RRM2B: variants seen among roughly 807,000 people sequenced by gnomAD.
RRM2B encodes ribonucleotide reductase regulatory TP53 inducible subunit M2B, also known as ribonucleoside-diphosphate reductase subunit M2 B.
RRM2B carries 20 observed loss-of-function variants against 45.9 expected under a neutral mutation model. The ratio of observed to expected loss-of-function variants is 0.44; its 90% CI spans 0.31 to 0.63. RRM2B has a LOEUF of 0.63. RRM2B is among the 30% of genes least tolerant of loss of function. The probability of loss-of-function intolerance (pLI) is 0.09; values close to 1 mark genes in which losing one functional copy is unlikely to be tolerated. For synonymous variants in RRM2B, 124 were observed against 132.3 expected (o/e 0.94, Z 0.43); for missense variants, 320 against 414.7 (o/e 0.77, Z 1.98).
At chr8:102,223,568 G>A (rs998936035) in intron 5 of RRM2B, among the ~76,000 whole-genome samples, 3 of 151,926 alleles carry the variant, frequency 2.0e-5, no homozygotes, top group African/African-American at 7.3e-5. Context: ...GGTGGTAGGT[G>A]CCTGTAATCC....
intron 5 of RRM2B, among the ~76,000 whole-genome samples, chr8:102,222,378 T>G (rs1414713292): frequency 6.6e-6 from 1 of 152,154 alleles, no homozygotes; most frequent in Non-Finnish European, 1.5e-5. Flanking sequence ...GCCTGGCTGC[T>G]TTTCTCATTC....
At position 102,207,139 on chromosome 8, in the gene RRM2B, G is replaced by C. The variant is rs1810558140; in HGVS notation, c.*994C>G. The C allele has an allele frequency of 2.6e-5, 4 of 152,130 alleles. No individual in the cohort carries two copies. Among genetic ancestry groups the C allele is most frequent in the Admixed American group, 2.6e-4 (4 of 15,266 alleles). The allele number at this position is 152,130 out of a possible 1,614,324, so 9.4% of individuals were successfully genotyped here. On this transcript the variant is annotated 3_prime_UTR_variant, in exon 9 of 9. Transcript: ENST00000251810. ...GTGTTAAGTATGTTGGGAATATGCA[G>C]GGCGAGATAAATTTATGTACCACTG...
At chr8:102,230,249 T>C (rs1811005017) in intron 2 of RRM2B, among the ~76,000 whole-genome samples, 1 of 152,240 alleles carries the variant, frequency 6.6e-6, no homozygotes, top group African/African-American at 2.4e-5. Context: ...ATGAAAAATA[T>C]GTGGAACTAA....
At chr8:102,214,951 T>C (rs540798365) in intron 6 of RRM2B, among the ~76,000 whole-genome samples, 4 of 134,456 alleles carry the variant, frequency 3.0e-5, no homozygotes, top group East Asian at 2.2e-4. Context: ...ACAAATGCAA[T>C]AGAATCTTAA....
intron 8 of RRM2B, among the ~76,000 whole-genome samples, chr8:102,211,269 T>A (rs1252919339): frequency 6.6e-6 from 1 of 152,244 alleles, no homozygotes; most frequent in South Asian, 2.1e-4. Flanking sequence ...GTTCTGGGAT[T>A]AGAGGTGTGA....
In RRM2B at chr8:102,238,813, A is replaced by T. The variant is rs750176934; in HGVS notation, c.48+14T>A. 1.9e-6 allele frequency: 3 copies of T among 1,613,698 alleles called. No homozygotes were observed. In the African/African-American group the frequency reaches 4.0e-5, roughly 22 times the overall value. On this transcript the variant is annotated intron_variant, in intron 1 of 8. Coordinates refer to ENST00000251810, the MANE Select transcript of RRM2B (RefSeq NM_015713.5). Reference sequence around the variant, plus strand: ...TGACTGCGGTGAGGGGGAAGACGCAACAGCAACATTTACCTCATCCTGATC... The same window carrying T: ...TGACTGCGGTGAGGGGGAAGACGCATCAGCAACATTTACCTCATCCTGATC...
chr8:102,238,758 T>C (rs1382628873), intron 1 of RRM2B, 69 bp downstream of exon 1: 1 of 1,612,204 alleles, frequency 6.2e-7, no homozygotes, highest in South Asian at 1.1e-5. Context: ...CCTACAGCGG[T>C]CCTGCAACTT....
intron 8 of RRM2B, among the ~76,000 whole-genome samples, chr8:102,208,748 A>T (rs943166512): frequency 2.0e-5 from 3 of 152,216 alleles, no homozygotes; most frequent in Non-Finnish European, 2.9e-5. Flanking sequence ...ATTGTCATTA[A>T]GGGAACATGA....
Position 102,231,783 on chromosome 8 carries a change from C to T in RRM2B, c.204+366G>A, listed in dbSNP as rs905481337. Among the ~76,000 whole-genome samples the T allele has an allele frequency of 5.2e-4, 78 of 150,152 alleles. 1 individual carries two copies. Among genetic ancestry groups the T allele is most frequent in the African/African-American group, 1.8e-3 (75 of 40,742 alleles). Reference sequence around the variant, plus strand: ...ACTCAGGAAGCTGAGGCAGGAGAATCGCTTGAACCCGGGAGGTGGAGTTTG... The same window carrying T: ...ACTCAGGAAGCTGAGGCAGGAGAATTGCTTGAACCCGGGAGGTGGAGTTTG... On this transcript the variant is annotated intron_variant, in intron 2 of 8. Coordinates refer to ENST00000251810, the MANE Select transcript of RRM2B (RefSeq NM_015713.5).
chr8:102,237,888 G>T (rs1811149158), intron 1 of RRM2B, among the ~76,000 whole-genome samples: 1 of 152,124 alleles, frequency 6.6e-6, no homozygotes, highest in African/African-American at 2.4e-5. Context: ...AGAAATGTAG[G>T]GCCAAGCATG....
intron 1 of RRM2B, among the ~76,000 whole-genome samples, chr8:102,237,540 A>C (rs1811142099): frequency 6.6e-6 from 1 of 152,258 alleles, no homozygotes; most frequent in South Asian, 2.1e-4. Context: ...AGAAAAACAA[A>C]GTGCTTCAGG....
chr8:102,223,813 T>C (rs1183737164), intron 5 of RRM2B, among the ~76,000 whole-genome samples: 2 of 152,200 alleles, frequency 1.3e-5, no homozygotes, highest in African/African-American at 2.4e-5. Context: ...ACTGTAATTA[T>C]GCACTAACAT....
chr8:102,238,497 C>G lies in RRM2B; in HGVS notation c.48+330G>C. 3 of 1,364,990 alleles carry G rather than the reference C, an allele frequency of 2.2e-6. 1 individual carries two copies. In the Admixed American group the frequency reaches 6.8e-5, roughly 31 times the overall value. The allele number at this position is 1,364,990 out of a possible 1,614,324, so 84.6% of individuals were successfully genotyped here. On this transcript the variant is annotated intron_variant, in intron 1 of 8. Transcript: ENST00000251810. ...CTTGCCTCGGTTTCCCTGGCCAGGG[C>G]TCCAAAACAGGGAAGGAGGGTGGGA...
rs751231428 is a variant in RRM2B at position 102,224,126 on chromosome 8, T to C, written c.470A>G (p.Asn157Ser). 8 of 1,608,380 alleles carry C rather than the reference T, an allele frequency of 5.0e-6. No individual in the cohort carries two copies. Among genetic ancestry groups the C allele is most frequent in the Admixed American group, 1.7e-5 (1 of 60,002 alleles). The change falls in exon 5 of 9, where the codon AAT (asparagine) becomes AGT (serine). Residue 157 changes from asparagine to serine, a missense_variant. By Grantham distance (46) the Asn-to-Ser change is conservative. This residue lies in a region of RRM2B where 225 missense variants were observed against 289.4 expected (regional missense o/e 0.78). Transcript: ENST00000251810. ...AACATAGGGCATGGTTTCAATTGCA[T>C]TAAATAAAAATTCCCTGTAAAAACA... ...RDPKKREFLF[N>S]AIETMPYVKK...
At position 102,224,924 on chromosome 8, in the gene RRM2B, C is replaced by G. The variant is rs780298008; in HGVS notation, c.416G>C (p.Ser139Thr). ...LIENVHSEMY[S>T]LLIDTYIRDP... Reference sequence around the variant, plus strand: ...TCTGATGTAAGTGTCTATCAGCAAACTGTACATCTCTGAGTGAACATTCTC... The same window carrying G: ...TCTGATGTAAGTGTCTATCAGCAAAGTGTACATCTCTGAGTGAACATTCTC... Residue 139 changes from serine to threonine, a missense_variant, in exon 4 of 9, where the codon AGT (serine) becomes ACT (threonine). Transcript: ENST00000251810. The G allele has an allele frequency of 3.1e-6, 5 of 1,613,786 alleles. No homozygotes were observed. The highest frequency in any genetic ancestry group is 4.2e-6 in the Non-Finnish European group (5 of 1,179,798).
At chr8:102,222,697 T>A (rs541446788) in intron 5 of RRM2B, among the ~76,000 whole-genome samples, 3 of 152,326 alleles carry the variant, frequency 2.0e-5, no homozygotes, top group East Asian at 1.9e-4. Flanking sequence ...CATATTTAAA[T>A]GAGGCATATA....
At chr8:102,211,916 A>G (rs1587168468) in intron 8 of RRM2B, among the ~76,000 whole-genome samples, 1 of 152,344 alleles carries the variant, frequency 6.6e-6, no homozygotes, top group South Asian at 2.1e-4. Flanking sequence ...CATTAGCAAG[A>G]TAGGTAATGA....
chr8:102,238,756 G>C (rs753716056), intron 1 of RRM2B, 71 bp downstream of exon 1: 1 of 1,611,826 alleles, frequency 6.2e-7, no homozygotes, highest in Non-Finnish European at 8.5e-7. Flanking sequence ...TTCCTACAGC[G>C]GTCCTGCAAC....
In RRM2B at chr8:102,204,844, T is replaced by C. The variant is rs569359604; in HGVS notation, c.*3289A>G. The C allele has an allele frequency of 2.0e-5, 3 of 152,336 alleles. No homozygotes were observed. The highest frequency in any genetic ancestry group is 2.9e-5 in the Non-Finnish European group (2 of 68,006). The allele number at this position is 152,336 out of a possible 1,614,324, so 9.4% of individuals were successfully genotyped here. ...AAAGTATGTAAGAATATTGTGACCTTATTTAACTGTACAAAAAGCAATCAT... is the reference window on the plus strand; with the variant it reads ...AAAGTATGTAAGAATATTGTGACCTCATTTAACTGTACAAAAAGCAATCAT... On this transcript the variant is annotated 3_prime_UTR_variant, in exon 9 of 9. Coordinates refer to ENST00000251810, the MANE Select transcript of RRM2B (RefSeq NM_015713.5).
Sources: allele counts gnomAD v4.1 joint callset (sites outside exome capture counted in the v4.1 genomes callset), GRCh38; gene constraint gnomAD v4.1.1; regional missense constraint gnomAD v4.1.1; transcripts MANE v1.5; gene names NCBI Gene and HGNC (gene_info 2026-07-23, HGNC 2026-07-21).